CELA2B: variants seen among roughly 807,000 people sequenced by gnomAD.
CELA2B encodes the protein chymotrypsin-like elastase family member 2B.
A neutral mutation model predicts 36.5 loss-of-function variants in CELA2B; 27 were observed. The ratio of observed to expected loss-of-function variants is 0.74; its 90% CI spans 0.55 to 1.02. The LOEUF is 1.02. CELA2B is among the 50% of genes least tolerant of loss of function. The pLI is 0.00. For synonymous variants in CELA2B, 143 were observed against 148.5 expected (o/e 0.96, Z 0.27); for missense variants, 340 against 347.8 (o/e 0.98, Z 0.18).
At chr1:15,480,917 T>G (rs1396740783) in intron 2 of CELA2B, among the ~76,000 whole-genome samples, 181 bp from the exon 3 acceptor site, 1 of 151,270 alleles carries the variant, frequency 6.6e-6, no homozygotes, top group Non-Finnish European at 1.5e-5. Context: ...TTTTTTACTA[T>G]AGATTGCATT....
At chr1:15,487,869 T>C (rs1003432182) in intron 7 of CELA2B, among the ~76,000 whole-genome samples, 7 of 152,220 alleles carry the variant, frequency 4.6e-5, no homozygotes, top group African/African-American at 1.7e-4. Flanking sequence ...CCAGCTATTC[T>C]GTAGGGTGAC....
intron 5 of CELA2B, among the ~76,000 whole-genome samples, chr1:15,485,669 T>C (rs1286665728): frequency 6.6e-6 from 1 of 152,188 alleles, no homozygotes; most frequent in Non-Finnish European, 1.5e-5. Flanking sequence ...TCTCAAAATC[T>C]CAGGGGAGGG....
intron 2 of CELA2B, 124 bp from the exon 3 acceptor site, chr1:15,480,974 G>A (rs1708734632): frequency 1.0e-6 from 1 of 973,952 alleles, no homozygotes; most frequent in African/African-American, 1.6e-5. Context: ...GCCCCCTTAA[G>A]TTGTGTACCT....
intron 7 of CELA2B, among the ~76,000 whole-genome samples, chr1:15,490,250 ATCTATC>A (rs1224611491): frequency 1.3e-4 from 19 of 142,500 alleles, no homozygotes; most frequent in African/African-American, 4.1e-4. Flanking sequence ...CTATCTATCT[ATCTATC>A]TATATACACA....
intron 5 of CELA2B, 122 bp from the exon 6 acceptor site, chr1:15,485,779 A>G: frequency 1.6e-6 from 2 of 1,242,096 alleles, no homozygotes; most frequent in Non-Finnish European, 2.3e-6. Context: ...ATAGACAAAC[A>G]TGGCTGTTCC....
At chr1:15,479,964 G>T (rs1211204967) in intron 2 of CELA2B, among the ~76,000 whole-genome samples, 1 of 152,158 alleles carries the variant, frequency 6.6e-6, no homozygotes, top group Non-Finnish European at 1.5e-5. Flanking sequence ...GAGCCTAGCA[G>T]GTCATCAGAC....
intron 2 of CELA2B, among the ~76,000 whole-genome samples, chr1:15,478,404 C>T (rs1381838190): frequency 2.0e-5 from 3 of 151,218 alleles, no homozygotes; most frequent in Non-Finnish European, 4.4e-5. Flanking sequence ...CCACCATGCC[C>T]GGCTAATTTT....
chr1:15,484,604 T>C (rs1158795159), intron 5 of CELA2B, among the ~76,000 whole-genome samples: 2 of 152,166 alleles, frequency 1.3e-5, no homozygotes, highest in African/African-American at 4.8e-5. Flanking sequence ...TTCATGCTTA[T>C]TAAGATACAA....
rs773679354 is a variant in CELA2B at position 15,476,483 on chromosome 1, G to A, written c.67G>A (p.Ala23Thr). The A allele has an allele frequency of 1.4e-5, 22 of 1,613,918 alleles. No individual in the cohort carries two copies. The highest frequency in any genetic ancestry group is 1.1e-4 in the South Asian group (10 of 91,078). ...CCTCAGTTGTGGGGTCTCCACTTAC[G>A]CGCCTGATATGTCTAGGATGCTTGG... The part of the protein sequence containing the change: ...GALSCGVSTY[A>T]PDMSRMLGGE... Residue 23 changes from alanine to threonine, a missense_variant, in exon 2 of 8, where the codon GCG becomes ACG. Physicochemically the swap from Ala to Thr is moderately conservative, Grantham distance 58 (BLOSUM62 0). Transcript: ENST00000375910.
At chr1:15,488,876 T>C (rs1384451102) in intron 7 of CELA2B, among the ~76,000 whole-genome samples, 2 of 152,210 alleles carry the variant, frequency 1.3e-5, no homozygotes, top group South Asian at 2.1e-4. Flanking sequence ...CCTTGTTCAT[T>C]TGTCTGTCTG....
At chr1:15,490,914 AAC>A (rs1708877796) in intron 7 of CELA2B, 1 of 232,798 alleles carries the variant, frequency 4.3e-6, no homozygotes, top group Non-Finnish European at 8.5e-6. Context: ...AGCCTCTGGA[AAC>A]AGTTATAGCC....
chr1:15,485,845 T>A (rs1396044985), intron 5 of CELA2B, 56 bp from the exon 6 acceptor site: 12 of 1,602,956 alleles, frequency 7.5e-6, no homozygotes, highest in African/African-American at 2.7e-5. Flanking sequence ...GGTCCACCAC[T>A]TCCTTTTTCT....
chr1:15,491,378 A>C lies in CELA2B; in HGVS notation c.*66A>C. On this transcript the variant is annotated 3_prime_UTR_variant, in exon 8 of 8. Coordinates refer to ENST00000375910, the MANE Select transcript of CELA2B (RefSeq NM_015849.3). The stretch of plus-strand genomic sequence containing the variant: ...CACAGAAGGAAAATAATATTATATA[A>C]AGTGACAACTATGCAAATCACATCT... 6.4e-7 allele frequency: 1 copy of C among 1,571,890 alleles called. No homozygotes were observed. The highest frequency in any genetic ancestry group is 8.8e-7 in the Non-Finnish European group (1 of 1,141,898).
At chr1:15,488,454 T>C (rs1490188063) in intron 7 of CELA2B, among the ~76,000 whole-genome samples, 2 of 151,910 alleles carry the variant, frequency 1.3e-5, no homozygotes, top group African/African-American at 4.8e-5. Flanking sequence ...CAGAAGTAGA[T>C]GAAAGCAGCC....
At chr1:15,489,125 C>T (rs1050985519) in intron 7 of CELA2B, among the ~76,000 whole-genome samples, 1 of 152,210 alleles carries the variant, frequency 6.6e-6, no homozygotes, top group East Asian at 1.9e-4. Flanking sequence ...ATCCTAAGAC[C>T]GTTTTCCAGC....
At chr1:15,488,122 C>G (rs1708828108) in intron 7 of CELA2B, among the ~76,000 whole-genome samples, 2 of 152,222 alleles carry the variant, frequency 1.3e-5, no homozygotes, top group Admixed American at 1.3e-4. Context: ...TGCCATGGCT[C>G]ATGCCTGTAA....
intron 7 of CELA2B, chr1:15,491,011 G>A: frequency 2.2e-6 from 1 of 446,266 alleles, no homozygotes; most frequent in Non-Finnish European, 4.1e-6. Context: ...CGCACATTTG[G>A]CATATAATTT....
chr1:15,479,265 C>A (rs1708712785), intron 2 of CELA2B, among the ~76,000 whole-genome samples: 1 of 152,122 alleles, frequency 6.6e-6, no homozygotes, highest in Non-Finnish European at 1.5e-5. Context: ...AAGGACGTGG[C>A]CAGGCACAGT....
chr1:15,486,033 T>G lies in CELA2B; in HGVS notation c.626T>G (p.Ile209Arg). 1 of 1,613,700 alleles carries G rather than the reference T, an allele frequency of 6.2e-7. No individual in the cohort carries two copies. The highest frequency in any genetic ancestry group is 8.5e-7 in the Non-Finnish European group (1 of 1,179,742). The change falls in exon 6 of 8, where the codon ATA becomes AGA. Residue 209 changes from isoleucine to arginine, a missense_variant. Ile to Arg is a moderately conservative substitution (Grantham distance 97). Transcript: ENST00000375910. ...ATCTGTGCTGGGGGTGATGGCGTGA[T>G]ATGCACCTGCAACGTGAGTACCAAA... is the stretch of plus-strand genomic sequence containing the variant. ...NMICAGGDGV[I>R]CTCNGDSGGP...
Sources: gnomAD v4.1 joint callset for allele counts (sites outside exome capture counted in the v4.1 genomes callset) on GRCh38, gnomAD v4.1.1 for gene constraint, MANE v1.5 for transcripts, NCBI Gene and HGNC (gene_info 2026-07-23, HGNC 2026-07-21) for gene names.